The following ZNF423 variants were observed in gnomAD, a reference collection of about 807,000 sequenced individuals.
ZNF423 encodes Ebf-associated zinc finger protein.
Under a neutral mutation model 95.8 loss-of-function variants are expected in ZNF423, and 12 were observed. The ratio of observed to expected loss-of-function variants is 0.13; its 90% CI spans 0.08 to 0.20. ZNF423 has a LOEUF of 0.20. Ranked by LOEUF, ZNF423 falls within the 10% of genes least tolerant of loss-of-function variation. ZNF423 has a pLI of 1.00. For synonymous variants in ZNF423, 749 were observed against 711.9 expected, an observed-to-expected ratio of 1.05 and a Z score of -0.83; for missense variants, 1,316 against 1,737.1, an observed-to-expected ratio of 0.76 and a Z score of 4.31.
chr16:49,670,343 G>C (rs1045586155), intron 3 of ZNF423, among the ~76,000 whole-genome samples: 11 of 152,210 alleles, frequency 7.2e-5, no homozygotes, highest in Non-Finnish European at 1.6e-4. Context: ...ATGGAAGCCA[G>C]AAAAAAATAT....
At position 49,822,562 on chromosome 16, in the gene ZNF423, G is replaced by A. The variant is rs570133151; in HGVS notation, c.41-33016C>T. The A allele has an allele frequency of 4.8e-6, 4 of 836,306 alleles. No homozygotes were observed. In the South Asian group the frequency reaches 7.1e-5, roughly 15 times the overall value. 51.8% of individuals were successfully genotyped at this position (836,306 alleles called of 1,614,324 possible). A position where few individuals can be genotyped will look rare whatever the true frequency, so the allele number is the denominator to read the frequency against. ...CCAGGCAAGGCCCCTAGCTGAGTCA[G>A]AAGGGATGAGACCCACATTGTCCAA... On this transcript the variant is annotated intron_variant, in intron 1 of 7. Coordinates refer to ENST00000563137, the MANE Select transcript of ZNF423 (RefSeq NM_001379286.1).
At chr16:49,850,105 C>T (rs763541472) in intron 1 of ZNF423, among the ~76,000 whole-genome samples, 9 of 152,304 alleles carry the variant, frequency 5.9e-5, no homozygotes, top group African/African-American at 1.9e-4. Flanking sequence ...TCCTTGAAAG[C>T]GGTAAAGTAT....
In ZNF423 at chr16:49,638,104, A is replaced by G. The variant is rs1972818576; in HGVS notation, c.1072T>C (p.Ser358Pro). 6.2e-7 allele frequency: 1 copy of G among 1,613,594 alleles called. No homozygotes were observed. The highest frequency in any genetic ancestry group is 2.2e-5 in the East Asian group (1 of 44,862). ...TCGGGACTGACACTGTGGTTGCTGG[A>G]GTCGGGCTGCCGGTGGCTGTCCAGG... ...CHLDSHRQPDSSNHSVSPDPV... is the reference protein window; with the variant it reads ...CHLDSHRQPDPSNHSVSPDPV... Residue 358 changes from serine (S) to proline (P), a missense_variant, in exon 4 of 8, where the codon TCC becomes CCC. Ser to Pro is a moderately conservative substitution (Grantham distance 74). This residue lies in a region of ZNF423 where 399 missense variants were observed against 478.5 expected (regional missense o/e 0.83). Transcript: ENST00000563137. This position sits in a 1 kb window ranked among gnomAD's most constrained non-coding sequence, Gnocchi z 5.6.
chr16:49,675,564 C>A (rs991166723), intron 3 of ZNF423, among the ~76,000 whole-genome samples: 14 of 152,092 alleles, frequency 9.2e-5, no homozygotes, highest in Non-Finnish European at 1.9e-4. Context: ...CACCACCCCA[C>A]CCCCCTCCAG....
At chr16:49,773,320 C>T (rs2034067299) in intron 2 of ZNF423, among the ~76,000 whole-genome samples, 1 of 143,568 alleles carries the variant, frequency 7.0e-6, no homozygotes, top group South Asian at 2.2e-4. Context: ...CTCCATCTCA[C>T]AAAAAAAAAA....
chr16:49,696,620 CCA>C (rs1314142890), intron 3 of ZNF423, among the ~76,000 whole-genome samples: 4 of 152,190 alleles, frequency 2.6e-5, no homozygotes, highest in Non-Finnish European at 4.4e-5. Flanking sequence ...AAACCCTGGG[CCA>C]CAGAGGCTGT....
chr16:49,542,620 C>G (rs992883241), intron 5 of ZNF423, among the ~76,000 whole-genome samples: 1 of 152,172 alleles, frequency 6.6e-6, no homozygotes, highest in Admixed American at 6.5e-5. Context: ...AGGCCTGGGA[C>G]CCCCCATGAG....
intron 3 of ZNF423, among the ~76,000 whole-genome samples, chr16:49,710,426 AT>A (rs1416519809): frequency 6.6e-6 from 1 of 152,200 alleles, no homozygotes; most frequent in Non-Finnish European, 1.5e-5. Flanking sequence ...ATGGAACTGC[AT>A]TTTCATAAGA....
At chr16:49,767,652 G>A (rs1250314665) in intron 2 of ZNF423, among the ~76,000 whole-genome samples, 1 of 152,210 alleles carries the variant, frequency 6.6e-6, no homozygotes, top group Non-Finnish European at 1.5e-5. Flanking sequence ...AGTTCCCACT[G>A]AGTTAGGCCT....
intron 3 of ZNF423, among the ~76,000 whole-genome samples, chr16:49,682,637 T>A (rs950421876): frequency 2.0e-5 from 3 of 151,620 alleles, no homozygotes; most frequent in African/African-American, 7.3e-5. Flanking sequence ...AGAGGAGAGG[T>A]TGGTGGGGAT....
rs775079321 is a variant in ZNF423, at chr16:49,636,110, G to A, written c.3066C>T (p.Arg1022=). The change falls in exon 4 of 8, where the codon CGC becomes CGT. Residue 1022 remains arginine (R), a synonymous_variant. Transcript: ENST00000563137. The surrounding 1 kb of genome is among the most constrained non-coding windows in gnomAD (Gnocchi z 8.6). ...IEHCQMHPDL[R]NSLTGFRCVV... ...CACAGCGGAAGCCCGTGAGTGAGTT[G>A]CGCAGGTCAGGGTGCATCTGGCAGT... is the stretch of plus-strand genomic sequence containing the variant. 1 of 1,613,960 alleles carries A rather than the reference G, an allele frequency of 6.2e-7. No individual in the cohort carries two copies. Among genetic ancestry groups the A allele is most frequent in the Admixed American group, 1.7e-5 (1 of 60,030 alleles).
At chr16:49,612,080 C>T (rs1020593472) in intron 5 of ZNF423, among the ~76,000 whole-genome samples, 1 of 152,072 alleles carries the variant, frequency 6.6e-6, no homozygotes, top group South Asian at 2.1e-4. Flanking sequence ...AACACCAATT[C>T]TACATAACTT....
intron 3 of ZNF423, among the ~76,000 whole-genome samples, chr16:49,660,262 C>T (rs2030138062): frequency 6.6e-6 from 1 of 152,112 alleles, no homozygotes; most frequent in Non-Finnish European, 1.5e-5. Context: ...CTCTTGGTAA[C>T]TGTGGCATGA....
intron 2 of ZNF423, among the ~76,000 whole-genome samples, chr16:49,740,346 A>C (rs1482076475): frequency 6.6e-6 from 1 of 152,116 alleles, no homozygotes; most frequent in Non-Finnish European, 1.5e-5. Flanking sequence ...CTCCTCCATG[A>C]ACACTCTCTC....
At chr16:49,683,413 A>G (rs1302552792) in intron 3 of ZNF423, among the ~76,000 whole-genome samples, 2 of 152,200 alleles carry the variant, frequency 1.3e-5, no homozygotes, top group Non-Finnish European at 2.9e-5. Context: ...CTTCTTTGGA[A>G]TCGCAAATTT....
intron 5 of ZNF423, among the ~76,000 whole-genome samples, chr16:49,590,238 G>A (rs550717431): frequency 7.2e-5 from 11 of 151,826 alleles, no homozygotes; most frequent in South Asian, 6.3e-4. Flanking sequence ...GCCCTGCTGC[G>A]CCTGCAGCCC....
chr16:49,766,673 G>A (rs1279229908), intron 2 of ZNF423, among the ~76,000 whole-genome samples: 1 of 152,216 alleles, frequency 6.6e-6, no homozygotes, highest in East Asian at 1.9e-4. Context: ...TCTAACTGAG[G>A]CCCAGTCTGA....
Position 49,637,616 on chromosome 16 carries a change from G to A in ZNF423, c.1560C>T (p.Asp520=), listed in dbSNP as rs149371639. Residue 520 remains aspartate (D), a synonymous_variant, in exon 4 of 8, where the codon GAC becomes GAT. Coordinates refer to ENST00000563137, the MANE Select transcript of ZNF423 (RefSeq NM_001379286.1). The surrounding 1 kb of genome is among the most constrained non-coding windows in gnomAD (Gnocchi z 5.6). ...GGTTGCAGAAGAAAGCATTATTACC[G>A]TCAGAGGGGTTGGCGTTGGGGCCGC... ...SHCGPNANPS[D]GNNAFFCNQC... is the part of the protein sequence containing the mutation. 1.4e-4 allele frequency: 232 copies of A among 1,614,062 alleles called. No individual in the cohort carries two copies. In the African/African-American group the frequency reaches 2.3e-3, roughly 16 times the overall value.
intron 5 of ZNF423, among the ~76,000 whole-genome samples, chr16:49,580,045 T>C (rs1970621338): frequency 6.6e-6 from 1 of 152,202 alleles, no homozygotes; most frequent in Admixed American, 6.5e-5. Context: ...ACCCTTGCTC[T>C]TGGATGTTCC....
Sources: allele counts gnomAD v4.1 joint callset (sites outside exome capture counted in the v4.1 genomes callset), GRCh38; gene constraint gnomAD v4.1.1; regional missense constraint gnomAD v4.1.1; non-coding constraint Gnocchi (gnomAD v3.1); transcripts MANE v1.5; gene names NCBI Gene and HGNC (gene_info 2026-07-23, HGNC 2026-07-21).